Variants in MYO1F observed in about 807,000 individuals in gnomAD.
MYO1F encodes the protein unconventional myosin-If.
MYO1F carries 60 observed loss-of-function variants against 146.6 expected under a neutral mutation model. The ratio of observed to expected loss-of-function variants is 0.41; its 90% CI spans 0.33 to 0.51. The LOEUF (loss-of-function observed/expected upper bound fraction) is 0.51, where lower values mean the gene tolerates loss of function less well. Ranked by LOEUF, MYO1F falls within the 20% of genes least tolerant of loss-of-function variation. The probability of loss-of-function intolerance (pLI) is 0.25; values close to 1 mark genes in which losing one functional copy is unlikely to be tolerated. For missense variants in MYO1F, 1,274 were observed against 1,534.3 expected, an observed-to-expected ratio of 0.83 and a Z score of 2.83; for synonymous variants, 602 against 602.1, an observed-to-expected ratio of 1.00 and a Z score of 0.00.
intron 10 of MYO1F, chr19:8,549,910 C>G: frequency 1.7e-6 from 1 of 581,786 alleles, no homozygotes; most frequent in Non-Finnish European, 3.1e-6. Context: ...AAATGATCCC[C>G]CAACCTCAGC....
chr19:8,567,035 G>A (rs540834115), intron 1 of MYO1F, among the ~76,000 whole-genome samples: 2 of 151,168 alleles, frequency 1.3e-5, no homozygotes, highest in South Asian at 4.2e-4. Context: ...CGCTGGCTGA[G>A]GTTAGTCCTA....
In MYO1F at chr19:8,574,597, CTTTCTTTCTT is replaced by C. The variant is rs1363348401; in HGVS notation, c.3+2700_3+2709del. Among the ~76,000 whole-genome samples, 434 of 64,750 alleles carry C rather than the reference CTTTCTTTCTT, an allele frequency of 6.7e-3. 1 individual carries two copies. Among genetic ancestry groups the C allele is most frequent in the African/African-American group, 9.6e-3 (162 of 16,882 alleles). The allele number at this position is 64,750 out of a possible 152,430, so 42.5% of individuals were successfully genotyped here. On this transcript the variant is annotated intron_variant, in intron 1 of 27. Coordinates refer to ENST00000644032, the MANE Select transcript of MYO1F (RefSeq NM_012335.4). The stretch of plus-strand genomic sequence containing the variant: ...TTTCTTTCTCTCTCTCTCTCTCTCT[CTTTCTTTCTT>C]TCTTTCTTTCTTTCTTTCTTTCTTT...
chr19:8,522,355 G>C (rs762421388), intron 27 of MYO1F, 22 bp downstream of exon 27: 2 of 1,613,734 alleles, frequency 1.2e-6, no homozygotes, highest in South Asian at 1.1e-5. Context: ...CCTCACCCCA[G>C]CTTCTGCCCT....
At chr19:8,574,583 C>CTCTCTT (rs1568380976) in intron 1 of MYO1F, among the ~76,000 whole-genome samples, 5 of 83,282 alleles carry the variant, frequency 6.0e-5, no homozygotes, top group Non-Finnish European at 1.2e-4. Flanking sequence ...TTCTTTCTCT[C>CTCTCTT]TCTCTCTCTC....
At chr19:8,564,338 G>C (rs1046133310) in intron 1 of MYO1F, among the ~76,000 whole-genome samples, 1 of 152,104 alleles carries the variant, frequency 6.6e-6, no homozygotes, top group African/African-American at 2.4e-5. Flanking sequence ...CCAAGATCAT[G>C]CCATTGCACT....
intron 1 of MYO1F, among the ~76,000 whole-genome samples, chr19:8,566,934 A>T (rs1389473259): frequency 1.3e-5 from 2 of 152,030 alleles, no homozygotes; most frequent in East Asian, 3.9e-4. Context: ...GCTTCAGCCT[A>T]TGAAAGTGCT....
chr19:8,562,624 G>A (rs1019562678), intron 1 of MYO1F, among the ~76,000 whole-genome samples: 7 of 150,070 alleles, frequency 4.7e-5, no homozygotes, highest in African/African-American at 7.4e-5. Context: ...TAGCCTTGAC[G>A]TCCAGGCTCA....
At chr19:8,555,437 A>G in intron 2 of MYO1F, 1 of 532,842 alleles carries the variant, frequency 1.9e-6, no homozygotes, top group African/African-American at 1.9e-5. Context: ...GGAATGGGGG[A>G]AATGGAACAC....
At chr19:8,540,120 G>T in intron 15 of MYO1F, 92 bp from the exon 16 acceptor site, 1 of 912,752 alleles carries the variant, frequency 1.1e-6, no homozygotes, top group Non-Finnish European at 1.7e-6. Flanking sequence ...ATGCCGCAAC[G>T]CAAAATATGG....
chr19:8,541,761 A>G (rs2145873311), intron 15 of MYO1F, 145 bp downstream of exon 15: 4 of 786,090 alleles, frequency 5.1e-6, no homozygotes, highest in Non-Finnish European at 6.6e-6. Flanking sequence ...GAACTAGTCC[A>G]TAGAAACACC....
intron 16 of MYO1F, among the ~76,000 whole-genome samples, chr19:8,538,615 G>T (rs1238362676): frequency 6.8e-6 from 1 of 147,728 alleles, no homozygotes; most frequent in Non-Finnish European, 1.5e-5. Flanking sequence ...AAGAGACAGG[G>T]TCTCACTCTG....
At chr19:8,523,922 A>T (rs543355028) in intron 25 of MYO1F, among the ~76,000 whole-genome samples, 1 of 148,926 alleles carries the variant, frequency 6.7e-6, no homozygotes, top group Non-Finnish European at 1.5e-5. Flanking sequence ...AGTTTGAGAC[A>T]AGCCTGGCCA....
intron 25 of MYO1F, among the ~76,000 whole-genome samples, chr19:8,523,602 C>A (rs999658201): frequency 6.6e-6 from 1 of 151,784 alleles, no homozygotes. Flanking sequence ...CCTCCCACTT[C>A]GGCCTCCCAA....
chr19:8,570,773 G>A (rs899373649), intron 1 of MYO1F, among the ~76,000 whole-genome samples: 4 of 151,920 alleles, frequency 2.6e-5, no homozygotes, highest in African/African-American at 7.3e-5. Context: ...CTCCCAAAGC[G>A]CTGGAATTAC....
At chr19:8,539,170 T>G (rs1972851542) in intron 16 of MYO1F, among the ~76,000 whole-genome samples, 1 of 151,906 alleles carries the variant, frequency 6.6e-6, no homozygotes, top group African/African-American at 2.4e-5. Flanking sequence ...ATCCCAGCGC[T>G]TTGGGAGGCT....
intron 1 of MYO1F, among the ~76,000 whole-genome samples, chr19:8,569,839 C>T (rs1362848079): frequency 6.6e-6 from 1 of 152,106 alleles, no homozygotes; most frequent in Non-Finnish European, 1.5e-5. Context: ...GATAGACAGC[C>T]CAGGCCATGT....
chr19:8,553,325 T>A (rs112640311), intron 5 of MYO1F, 25 bp downstream of exon 5: 3 of 1,613,032 alleles, frequency 1.9e-6, no homozygotes, highest in African/African-American at 1.3e-5. Context: ...CGACCCAGCT[T>A]ATCCTTCTGT....
chr19:8,532,754 G>A (rs1033066621), intron 19 of MYO1F, among the ~76,000 whole-genome samples: 3 of 151,900 alleles, frequency 2.0e-5, no homozygotes, highest in African/African-American at 7.3e-5. Flanking sequence ...TGAGGGTGAT[G>A]GCACGCATGT....
In MYO1F at chr19:8,531,127, C is replaced by T. The variant is rs553647433; in HGVS notation, c.2044-554G>A. 1.1e-3 allele frequency among the ~76,000 whole-genome samples: 172 copies of T among 152,126 alleles called. 1 individual carries two copies. The highest frequency in any genetic ancestry group is 6.6e-4 in the Non-Finnish European group (45 of 68,010). On this transcript the variant is annotated intron_variant, in intron 19 of 27. Coordinates refer to ENST00000644032, the MANE Select transcript of MYO1F (RefSeq NM_012335.4). ...CCTTGGGAGGCTGAGGCGGGAAGAT[C>T]GCCTGAGGTCGGGAGTTTGAGACCA...
Sources: allele counts gnomAD v4.1 joint callset (sites outside exome capture counted in the v4.1 genomes callset), GRCh38; gene constraint gnomAD v4.1.1; transcripts MANE v1.5; gene names NCBI Gene and HGNC (gene_info 2026-07-23, HGNC 2026-07-21).